RCHY1: variants seen among roughly 807,000 people sequenced by gnomAD.
RCHY1 encodes the protein RING finger and CHY zinc finger domain-containing protein 1.
A neutral mutation model predicts 41.6 loss-of-function variants in RCHY1; 21 were observed. The observed-to-expected ratio is 0.51, with a 90% confidence interval of 0.36 to 0.73. The LOEUF (loss-of-function observed/expected upper bound fraction) is 0.73, where lower values mean the gene tolerates loss of function less well. RCHY1 is among the 30% of genes least tolerant of loss of function. The probability of loss-of-function intolerance (pLI) is 0.00; values close to 1 mark genes in which losing one functional copy is unlikely to be tolerated. For synonymous variants in RCHY1, 79 were observed against 102.9 expected (o/e 0.77, Z 1.41); for missense variants, 265 against 325.3 (o/e 0.81, Z 1.43).
At chr4:75,502,695 T>A (rs1560525871) in intron 3 of RCHY1, among the ~76,000 whole-genome samples, 1 of 152,166 alleles carries the variant, frequency 6.6e-6, no homozygotes, top group Admixed American at 6.5e-5. Flanking sequence ...TTTTCCTAAT[T>A]TTGGTATTTC....
chr4:75,503,046 G>A (rs994577513), intron 3 of RCHY1, among the ~76,000 whole-genome samples: 2 of 152,090 alleles, frequency 1.3e-5, no homozygotes, highest in African/African-American at 4.8e-5. Flanking sequence ...ATTCTAGACT[G>A]AAGGTTCTCC....
rs1464800162 is a variant in RCHY1, at chr4:75,490,697, A to C, written c.541T>G (p.Tyr181Asp). Residue 181 changes from tyrosine (Y) to aspartate (D), a missense_variant, in exon 8 of 9, where the codon TAC becomes GAC. Transcript: ENST00000324439. ...GAGTGCATACATAATGGACATCTGT[A>C]GCCTCTGAAAGAGATAGAAAGGTTA... is the stretch of plus-strand genomic sequence containing the variant. ...TCYEEMLKEG[Y>D]RCPLCMHSAL... is the part of the protein sequence containing the mutation. 1 of 1,600,484 alleles carries C rather than the reference A, an allele frequency of 6.2e-7. No homozygotes were observed. The highest frequency in any genetic ancestry group is 8.5e-7 in the Non-Finnish European group (1 of 1,171,974).
At chr4:75,512,064 T>C (rs1430536674) in intron 1 of RCHY1, among the ~76,000 whole-genome samples, 2 of 152,148 alleles carry the variant, frequency 1.3e-5, no homozygotes, top group African/African-American at 4.8e-5. Context: ...CACTCATAGA[T>C]AACAATCCCA....
intron 3 of RCHY1, among the ~76,000 whole-genome samples, chr4:75,504,201 G>T (rs1724080525): frequency 6.6e-6 from 1 of 152,114 alleles, no homozygotes; most frequent in Non-Finnish European, 1.5e-5. Flanking sequence ...CTAAAATCTA[G>T]TATCAGTTAT....
At position 75,481,454 on chromosome 4, in the gene RCHY1, G is replaced by A. The variant is rs1256782431; in HGVS notation, c.*1084C>T. ...CATATTTGTTAACTTTGTTCCTGAA[G>A]TAAGAGGTATATTTAATTCCACTAC... On this transcript the variant is annotated 3_prime_UTR_variant, in exon 9 of 9. Coordinates refer to ENST00000324439, the MANE Select transcript of RCHY1 (RefSeq NM_015436.4). 6.6e-6 allele frequency: 1 copy of A among 152,170 alleles called. No homozygotes were observed. The allele number at this position is 152,170 out of a possible 1,614,324, so 9.4% of individuals were successfully genotyped here.
Position 75,482,473 on chromosome 4 carries a change from C to T in RCHY1, c.*65G>A, listed in dbSNP as rs555723188. The T allele has an allele frequency of 3.8e-5, 55 of 1,460,984 alleles. No homozygotes were observed. The East Asian group carries it at 5.0e-4, about 13-fold the overall frequency. 90.5% of individuals were successfully genotyped at this position (1,460,984 alleles called of 1,614,324 possible). A position where few individuals can be genotyped will look rare whatever the true frequency, so the allele number is the denominator to read the frequency against. On this transcript the variant is annotated 3_prime_UTR_variant, in exon 9 of 9. Transcript: ENST00000324439. Reference sequence around the variant, plus strand: ...GCATAGATGACGACACATGATAACACGATACCAAGGAAAGCCTTTTTCTAT... The same window carrying T: ...GCATAGATGACGACACATGATAACATGATACCAAGGAAAGCCTTTTTCTAT...
At chr4:75,486,249 G>A (rs1203821047) in intron 8 of RCHY1, among the ~76,000 whole-genome samples, 1 of 152,086 alleles carries the variant, frequency 6.6e-6, no homozygotes, top group Admixed American at 6.6e-5. Context: ...GACTCAAGAT[G>A]ACTGAGAAAA....
At chr4:75,500,127 C>A (rs1723614717) in intron 3 of RCHY1, among the ~76,000 whole-genome samples, 1 of 152,130 alleles carries the variant, frequency 6.6e-6, no homozygotes, top group Admixed American at 6.5e-5. Flanking sequence ...GGCAACAGAG[C>A]AAGACCCTTT....
intron 3 of RCHY1, among the ~76,000 whole-genome samples, chr4:75,504,989 A>G (rs1724156183): frequency 1.3e-5 from 2 of 152,214 alleles, no homozygotes; most frequent in African/African-American, 2.4e-5. Flanking sequence ...ATTACTGTGC[A>G]CCTACTGTAT....
intron 2 of RCHY1, 91 bp downstream of exon 2, chr4:75,509,086 G>A (rs1724608474): frequency 1.5e-6 from 2 of 1,338,312 alleles, no homozygotes; most frequent in Non-Finnish European, 1.0e-6. Context: ...AGAAGTTAAA[G>A]AAATCTTATT....
intron 3 of RCHY1, among the ~76,000 whole-genome samples, chr4:75,503,185 A>G (rs1157807790): frequency 6.6e-6 from 1 of 151,590 alleles, no homozygotes; most frequent in Admixed American, 6.6e-5. Flanking sequence ...GCTACCCCTC[A>G]CTCCCTGGTT....
intron 3 of RCHY1, among the ~76,000 whole-genome samples, chr4:75,508,328 A>G (rs1405930463): frequency 6.6e-6 from 1 of 152,144 alleles, no homozygotes; most frequent in Non-Finnish European, 1.5e-5. Flanking sequence ...GAAAGAAAAT[A>G]ATTCCTTATA....
chr4:75,490,819 T>C (rs896304666), intron 7 of RCHY1, 118 bp from the exon 8 acceptor site: 1 of 683,984 alleles, frequency 1.5e-6, no homozygotes, highest in Non-Finnish European at 2.4e-6. Context: ...TTTTCCTCCA[T>C]TTCAAGATAA....
At chr4:75,482,762 G>T in intron 8 of RCHY1, 96 bp from the exon 9 acceptor site, 1 of 781,442 alleles carries the variant, frequency 1.3e-6, no homozygotes, top group East Asian at 3.3e-5. Context: ...TTAAAGATGT[G>T]AAAATACATA....
intron 1 of RCHY1, chr4:75,513,983 G>C: frequency 1.7e-6 from 1 of 602,586 alleles, no homozygotes; most frequent in South Asian, 2.9e-5. Flanking sequence ...TTCCCAAGAA[G>C]GGTTTTGCTT....
chr4:75,494,233 A>T, intron 3 of RCHY1, 54 bp from the exon 4 acceptor site: 2 of 1,232,758 alleles, frequency 1.6e-6, no homozygotes, highest in Non-Finnish European at 2.3e-6. Flanking sequence ...TACAGTCATG[A>T]TTTGTTCATT....
chr4:75,504,290 T>G (rs1176133699), intron 3 of RCHY1, among the ~76,000 whole-genome samples: 1 of 152,152 alleles, frequency 6.6e-6, no homozygotes, highest in East Asian at 1.9e-4. Flanking sequence ...AACACAAATT[T>G]GAAGTACACA....
intron 3 of RCHY1, among the ~76,000 whole-genome samples, chr4:75,499,795 T>C (rs889381977): frequency 9.2e-5 from 14 of 152,082 alleles, no homozygotes; most frequent in African/African-American, 1.7e-4. Flanking sequence ...GGGGAGGGGA[T>C]GAAGAAAAGT....
intron 8 of RCHY1, among the ~76,000 whole-genome samples, chr4:75,490,141 C>A (rs968160528): frequency 1.3e-5 from 2 of 151,922 alleles, no homozygotes; most frequent in African/African-American, 4.8e-5. Context: ...AAAAATAAGT[C>A]TAAGATGGAA....
Sources: allele counts gnomAD v4.1 joint callset (sites outside exome capture counted in the v4.1 genomes callset), GRCh38; gene constraint gnomAD v4.1.1; transcripts MANE v1.5; gene names NCBI Gene and HGNC (gene_info 2026-07-23, HGNC 2026-07-21).